Variants in PGM5 observed in about 807,000 individuals in gnomAD.
PGM5 encodes the protein phosphoglucomutase-like protein 5.
PGM5 carries 23 observed loss-of-function variants against 59.2 expected under a neutral mutation model. The observed-to-expected ratio is 0.39, with a 90% CI of 0.28 to 0.55. The LOEUF (loss-of-function observed/expected upper bound fraction) is 0.55, where lower values mean the gene tolerates loss of function less well. PGM5 is among the 20% of genes least tolerant of loss of function. PGM5 has a pLI of 0.66. For synonymous variants in PGM5, 214 were observed against 286.0 expected (o/e 0.75, Z 2.54); for missense variants, 574 against 748.3 (o/e 0.77, Z 2.72).
chr9:68,414,317 A>G (rs1465308201), intron 6 of PGM5, among the ~76,000 whole-genome samples: 1 of 152,192 alleles, frequency 6.6e-6, no homozygotes, highest in African/African-American at 2.4e-5. Flanking sequence ...AAGACACCCT[A>G]TCACTGGAGT....
At chr9:68,487,181 GC>G (rs1824309134) in intron 9 of PGM5, among the ~76,000 whole-genome samples, 1 of 152,098 alleles carries the variant, frequency 6.6e-6, no homozygotes, top group Non-Finnish European at 1.5e-5. Context: ...AGGATTGAAA[GC>G]TGGCCTTGTC....
At chr9:68,496,996 G>A (rs1401338001) in intron 9 of PGM5, 1 of 151,994 alleles carries the variant, frequency 6.6e-6, no homozygotes, top group East Asian at 1.9e-4. Flanking sequence ...AGTGACAACG[G>A]GAATGTAGGC....
At chr9:68,422,579 A>G (rs1587804035) in intron 6 of PGM5, among the ~76,000 whole-genome samples, 2 of 152,082 alleles carry the variant, frequency 1.3e-5, no homozygotes, top group Non-Finnish European at 2.9e-5. Context: ...GGTGTGAGCC[A>G]CCTAGCCGGG....
At chr9:68,380,587 T>C (rs576844350) in intron 2 of PGM5, among the ~76,000 whole-genome samples, 23 of 151,574 alleles carry the variant, frequency 1.5e-4, no homozygotes, top group African/African-American at 5.3e-4. Flanking sequence ...AAGGAAATAA[T>C]GAAGATCAGA....
rs545438373 is a variant in PGM5 at position 68,447,883 on chromosome 9, T to C, written c.1044-17210T>C. Among the ~76,000 whole-genome samples, 5 of 152,328 alleles carry C rather than the reference T, an allele frequency of 3.3e-5. No individual in the cohort carries two copies. In the East Asian group the frequency reaches 7.7e-4, roughly 24 times the overall value. On this transcript the variant is annotated intron_variant, in intron 6 of 10. Transcript: ENST00000396396. ...GCTTTGGACAAACTATTTAATCTCT[T>C]GGTAATTCAGTTTTCCAGTTAGTAG...
chr9:68,528,184 A>C (rs2132123425), intron 10 of PGM5, among the ~76,000 whole-genome samples: 1 of 152,318 alleles, frequency 6.6e-6, no homozygotes, highest in Non-Finnish European at 1.5e-5. Flanking sequence ...AATATTACCC[A>C]AACTTCTTTT....
chr9:68,444,062 C>CTTT lies in PGM5; in HGVS notation c.1044-21017_1044-21015dup, dbSNP rs71920005. Reference sequence around the variant, plus strand: ...GAAGAGTCTCTCTCTTTCTTTCTTTCTTTTTTTTTTTTTTTTGGATCACTT... The same window carrying CTTT: ...GAAGAGTCTCTCTCTTTCTTTCTTTCTTTTTTTTTTTTTTTTTTTGGATCACTT... On this transcript the variant is annotated intron_variant, in intron 6 of 10. Transcript: ENST00000396396. 3.9e-3 allele frequency among the ~76,000 whole-genome samples: 512 copies of CTTT among 131,610 alleles called. 3 individuals carry two copies. The highest frequency in any genetic ancestry group is 0.013 in the African/African-American group (460 of 36,248). The allele number at this position is 131,610 out of a possible 152,430, so 86.3% of individuals were successfully genotyped here.
intron 2 of PGM5, among the ~76,000 whole-genome samples, chr9:68,380,052 C>A: frequency 6.6e-6 from 1 of 151,780 alleles, no homozygotes; most frequent in Non-Finnish European, 1.5e-5. Context: ...ATCAACCAGA[C>A]AAAAAATTAA....
In PGM5 at chr9:68,529,920, A is replaced by C; in HGVS notation, c.*264A>C. ...TATCTACATTTTATCACACAAAGGA[A>C]CCTCCCCTTTTGACAACAACTGGGC... On this transcript the variant is annotated 3_prime_UTR_variant, in exon 11 of 11. Transcript: ENST00000396396. 3.3e-6 allele frequency: 1 copy of C among 303,256 alleles called. No individual in the cohort carries two copies. The highest frequency in any genetic ancestry group is 6.1e-6 in the Non-Finnish European group (1 of 163,924). 18.8% of individuals were successfully genotyped at this position (303,256 alleles called of 1,614,324 possible). A position where few individuals can be genotyped will look rare whatever the true frequency, so the allele number is the denominator to read the frequency against.
At chr9:68,382,048 G>T (rs2492263) in intron 2 of PGM5, among the ~76,000 whole-genome samples, 2,386 of 151,468 alleles carry the variant, frequency 0.016, 76 homozygotes, top group African/African-American at 0.054. Flanking sequence ...AATTTGTTTG[G>T]AGCCCCCAAA....
intron 6 of PGM5, among the ~76,000 whole-genome samples, chr9:68,429,975 G>C (rs1823315979): frequency 6.6e-6 from 1 of 152,184 alleles, no homozygotes; most frequent in Non-Finnish European, 1.5e-5. Context: ...CTGGAAGAAG[G>C]AACAGTATCT....
intron 9 of PGM5, among the ~76,000 whole-genome samples, chr9:68,488,501 TGG>T: frequency 6.6e-6 from 1 of 152,326 alleles, no homozygotes; most frequent in African/African-American, 2.4e-5. Flanking sequence ...CTATCCTGCC[TGG>T]CTTTATGGGA....
chr9:68,411,663 T>A (rs772473362), intron 6 of PGM5, among the ~76,000 whole-genome samples: 1 of 152,112 alleles, frequency 6.6e-6, no homozygotes, highest in Non-Finnish European at 1.5e-5. Flanking sequence ...AGTGTACGAA[T>A]AATGAAATTC....
At chr9:68,399,521 T>C (rs1554680350) in intron 6 of PGM5, among the ~76,000 whole-genome samples, 1 of 151,800 alleles carries the variant, frequency 6.6e-6, no homozygotes, top group African/African-American at 2.4e-5. Context: ...TAACATACCA[T>C]TGCAATTTTA....
At chr9:68,394,754 A>G (rs1279349893) in intron 6 of PGM5, among the ~76,000 whole-genome samples, 1 of 151,684 alleles carries the variant, frequency 6.6e-6, no homozygotes, top group Non-Finnish European at 1.5e-5. Context: ...CTGAGTAGCT[A>G]GGACTACACA....
chr9:68,528,044 T>A (rs181614986), intron 10 of PGM5, among the ~76,000 whole-genome samples: 1 of 152,182 alleles, frequency 6.6e-6, no homozygotes, highest in Non-Finnish European at 1.5e-5. Flanking sequence ...GTTGTGTGGA[T>A]TGGAATGTGT....
chr9:68,491,758 T>A (rs930844068), intron 9 of PGM5, among the ~76,000 whole-genome samples: 4 of 152,206 alleles, frequency 2.6e-5, no homozygotes, highest in Non-Finnish European at 5.9e-5. Flanking sequence ...TCCCAGCTAC[T>A]TGGGAGGCTG....
chr9:68,383,564 A>T (rs2088419693), intron 2 of PGM5, among the ~76,000 whole-genome samples: 1 of 151,872 alleles, frequency 6.6e-6, no homozygotes, highest in African/African-American at 2.4e-5. Context: ...AAATCAAGAA[A>T]CAATTTTTGT....
At chr9:68,453,485 C>T (rs1823728461) in intron 6 of PGM5, among the ~76,000 whole-genome samples, 1 of 152,034 alleles carries the variant, frequency 6.6e-6, no homozygotes, top group Non-Finnish European at 1.5e-5. Flanking sequence ...ACTACAGGTG[C>T]ACACCACCAC....
Sources: gnomAD v4.1 joint callset for allele counts (sites outside exome capture counted in the v4.1 genomes callset) on GRCh38, gnomAD v4.1.1 for gene constraint, MANE v1.5 for transcripts, NCBI Gene and HGNC (gene_info 2026-07-23, HGNC 2026-07-21) for gene names.